The following RAB15 variants were observed in gnomAD, a reference collection of about 807,000 sequenced individuals.
RAB15 encodes RAB15, member RAS oncogene family, also known as ras-related protein Rab-15.
In RAB15, 13 loss-of-function variants were observed where a neutral mutation model predicts 31.8. The observed-to-expected ratio is 0.41, with a 90% CI of 0.27 to 0.65. The LOEUF (loss-of-function observed/expected upper bound fraction) is 0.65, where lower values mean the gene tolerates loss of function less well. Among genes scored for constraint, RAB15 ranks in the 30% least tolerant of loss-of-function variants. The probability of loss-of-function intolerance (pLI) is 0.32; values close to 1 mark genes in which losing one functional copy is unlikely to be tolerated. For synonymous variants in RAB15, 100 were observed against 105.6 expected, an observed-to-expected ratio of 0.95 and a Z score of 0.33; for missense variants, 220 against 277.3, an observed-to-expected ratio of 0.79 and a Z score of 1.47.
At chr14:64,959,416 C>T (rs1886738912) in intron 1 of RAB15, among the ~76,000 whole-genome samples, 1 of 152,170 alleles carries the variant, frequency 6.6e-6, no homozygotes, top group African/African-American at 2.4e-5. Flanking sequence ...CTATTTTTGT[C>T]TTCTAGCCTC....
rs1039852624 is a variant in RAB15, at chr14:64,954,256, G to A, written c.125-1685C>T. ...AGAGTGAAGAGAAGGAGGGAGGAAG[G>A]GAGGAAGGAGAGAAGCATCAGGCCT... On this transcript the variant is annotated intron_variant, in intron 1 of 6. Transcript: ENST00000533601. This position sits in a 1 kb window ranked among gnomAD's most constrained non-coding sequence, Gnocchi z 4.3. 2 of 985,276 alleles carry A rather than the reference G, an allele frequency of 2.0e-6. No individual in the cohort carries two copies. Among genetic ancestry groups the A allele is most frequent in the African/African-American group, 3.5e-5 (2 of 57,224 alleles). The allele number at this position is 985,276 out of a possible 1,614,324, so 61.0% of individuals were successfully genotyped here.
rs142065656 is a variant in RAB15 at position 64,967,298 on chromosome 14, C to G, written c.124+4655G>C. The stretch of plus-strand genomic sequence containing the variant: ...AAGACTAAGGATGGGAGGGAGAAAA[C>G]CAACTCCTGAGGGAGTGAGGTAGCT... On this transcript the variant is annotated intron_variant, in intron 1 of 6. Coordinates refer to ENST00000533601, the MANE Select transcript of RAB15 (RefSeq NM_001308154.2). Among the ~76,000 whole-genome samples, 173 of 152,308 alleles carry G rather than the reference C, an allele frequency of 1.1e-3. 1 individual carries two copies. The highest frequency in any genetic ancestry group is 3.4e-3 in the African/African-American group (143 of 41,580).
rs1415695227 is a variant in RAB15 at position 64,948,117 on chromosome 14, C to G, written c.*237G>C. 1 of 458,496 alleles carries G rather than the reference C, an allele frequency of 2.2e-6. No individual in the cohort carries two copies. The highest frequency in any genetic ancestry group is 2.0e-5 in the African/African-American group (1 of 49,606). The allele number at this position is 458,496 out of a possible 1,614,324, so 28.4% of individuals were successfully genotyped here. A position where few individuals can be genotyped will look rare whatever the true frequency, so the allele number is the denominator to read the frequency against. On this transcript the variant is annotated 3_prime_UTR_variant, in exon 7 of 7. Coordinates refer to ENST00000533601, the MANE Select transcript of RAB15 (RefSeq NM_001308154.2). This position sits in a 1 kb window ranked among gnomAD's most constrained non-coding sequence, Gnocchi z 7.0. ...GCACATCGTGGGGGTCGTAGCAGGCCTGTGGCTGGGGAAACAGGCTGAAGA... is the reference window on the plus strand; with the variant it reads ...GCACATCGTGGGGGTCGTAGCAGGCGTGTGGCTGGGGAAACAGGCTGAAGA...
At chr14:64,957,573 C>CATAG (rs1160829724) in intron 1 of RAB15, among the ~76,000 whole-genome samples, 5 of 152,208 alleles carry the variant, frequency 3.3e-5, no homozygotes, top group Admixed American at 6.5e-5. Context: ...CACCCAGGTG[C>CATAG]ATAGTGCTTG....
At position 64,955,886 on chromosome 14, in the gene RAB15, T is replaced by G. The variant is rs1473356141; in HGVS notation, c.125-3315A>C. On this transcript the variant is annotated intron_variant, in intron 1 of 6. Transcript: ENST00000533601. This position sits in a 1 kb window ranked among gnomAD's most constrained non-coding sequence, Gnocchi z 4.4. Reference sequence around the variant, plus strand: ...GCCTCCAGTGGTTTCACATTCCGGCTCCTCTAAGGTCATATTTCTCAAACT... The same window carrying G: ...GCCTCCAGTGGTTTCACATTCCGGCGCCTCTAAGGTCATATTTCTCAAACT... Among the ~76,000 whole-genome samples the G allele has an allele frequency of 1.3e-5, 2 of 152,186 alleles. No individual in the cohort carries two copies. The highest frequency in any genetic ancestry group is 2.9e-5 in the Non-Finnish European group (2 of 68,024).
At chr14:64,949,189 A>T (rs1469189634) in intron 5 of RAB15, among the ~76,000 whole-genome samples, 1 of 152,142 alleles carries the variant, frequency 6.6e-6, no homozygotes, top group African/African-American at 2.4e-5. Flanking sequence ...TGGTTGTGGG[A>T]TGATTCAGTG....
intron 1 of RAB15, among the ~76,000 whole-genome samples, chr14:64,969,934 A>C (rs1887338373): frequency 6.6e-6 from 1 of 152,214 alleles, no homozygotes; most frequent in Non-Finnish European, 1.5e-5. Context: ...TCAGAGGGCC[A>C]TCCTGGTATT....
At chr14:64,965,677 T>G (rs1203161638) in intron 1 of RAB15, among the ~76,000 whole-genome samples, 3 of 152,072 alleles carry the variant, frequency 2.0e-5, no homozygotes, top group Admixed American at 6.6e-5. Context: ...TGAGAAGAGC[T>G]GGCAATCAGG....
At position 64,968,899 on chromosome 14, in the gene RAB15, G is replaced by A. The variant is rs1887278070; in HGVS notation, c.124+3054C>T. ...CAGAAAGACGAAAAGGATAGGGGGAGGGACAGTCAGTGTCTCAGTCTACCA... is the reference window on the plus strand; with the variant it reads ...CAGAAAGACGAAAAGGATAGGGGGAAGGACAGTCAGTGTCTCAGTCTACCA... On this transcript the variant is annotated intron_variant, in intron 1 of 6. Coordinates refer to ENST00000533601, the MANE Select transcript of RAB15 (RefSeq NM_001308154.2). The surrounding 1 kb of genome is among the most constrained non-coding windows in gnomAD (Gnocchi z 4.9). 6.6e-6 allele frequency among the ~76,000 whole-genome samples: 1 copy of A among 152,218 alleles called. No individual in the cohort carries two copies. The highest frequency in any genetic ancestry group is 2.4e-5 in the African/African-American group (1 of 41,452).
At position 64,954,590 on chromosome 14, in the gene RAB15, A is replaced by C; in HGVS notation, c.125-2019T>G. 2.2e-6 allele frequency: 2 copies of C among 894,282 alleles called. No homozygotes were observed. Among genetic ancestry groups the C allele is most frequent in the Non-Finnish European group, 1.3e-6 (1 of 746,778 alleles). 55.4% of individuals were successfully genotyped at this position (894,282 alleles called of 1,614,324 possible). On this transcript the variant is annotated intron_variant, in intron 1 of 6. Coordinates refer to ENST00000533601, the MANE Select transcript of RAB15 (RefSeq NM_001308154.2). This position sits in a 1 kb window ranked among gnomAD's most constrained non-coding sequence, Gnocchi z 4.3. ...TTCCTATGTGCCCTGCACAGTGCTCAGTGCAGACAGAGCAGTGAAAAAGAC... is the reference window on the plus strand; with the variant it reads ...TTCCTATGTGCCCTGCACAGTGCTCCGTGCAGACAGAGCAGTGAAAAAGAC...
rs906661575 is a variant in RAB15 at position 64,948,302 on chromosome 14, C to T, written c.*52G>A. 18 of 1,446,286 alleles carry T rather than the reference C, an allele frequency of 1.2e-5. No homozygotes were observed. The African/African-American group carries it at 2.1e-4, about 17-fold the overall frequency. The allele number at this position is 1,446,286 out of a possible 1,614,324, so 89.6% of individuals were successfully genotyped here. On this transcript the variant is annotated 3_prime_UTR_variant, in exon 7 of 7. Coordinates refer to ENST00000533601, the MANE Select transcript of RAB15 (RefSeq NM_001308154.2). This position sits in a 1 kb window ranked among gnomAD's most constrained non-coding sequence, Gnocchi z 7.0. ...CAAAGCCCCGGCTCCCCTGTCTGCC[C>T]ACGGGCCTCCTGAGGGAAGAGGGGT...
At position 64,954,190 on chromosome 14, in the gene RAB15, T is replaced by A. The variant is rs1886416680; in HGVS notation, c.125-1619A>T. 2.0e-6 allele frequency: 2 copies of A among 985,278 alleles called. No individual in the cohort carries two copies. The highest frequency in any genetic ancestry group is 1.2e-4 in the Admixed American group (2 of 16,258). The allele number at this position is 985,278 out of a possible 1,614,324, so 61.0% of individuals were successfully genotyped here. ...ATCCATTGAGCTGTACTTTTCCAAA[T>A]GGGCAATGCCTGGCAGCCATTCTTC... On this transcript the variant is annotated intron_variant, in intron 1 of 6. Transcript: ENST00000533601. This position sits in a 1 kb window ranked among gnomAD's most constrained non-coding sequence, Gnocchi z 4.3.
chr14:64,969,243 C>T (rs1361012047), intron 1 of RAB15, among the ~76,000 whole-genome samples: 4 of 152,144 alleles, frequency 2.6e-5, no homozygotes, highest in East Asian at 1.9e-4. Flanking sequence ...ATACAGGACA[C>T]GCATTTTTTA....
chr14:64,963,122 T>C (rs1019713868), intron 1 of RAB15, among the ~76,000 whole-genome samples: 2 of 143,556 alleles, frequency 1.4e-5, no homozygotes, highest in African/African-American at 5.3e-5. Flanking sequence ...TTTTTTTTTT[T>C]TTTTTTTTTT....
chr14:64,966,214 T>C (rs1202726514), intron 1 of RAB15, among the ~76,000 whole-genome samples: 2 of 152,244 alleles, frequency 1.3e-5, no homozygotes, highest in Admixed American at 6.5e-5. Context: ...TGGTCACCAC[T>C]GTGTCCCCAA....
chr14:64,948,367 GT>G lies in RAB15; in HGVS notation c.625del (p.Thr209ProfsTer138). The G allele has an allele frequency of 6.3e-7, 1 of 1,579,718 alleles. No individual in the cohort carries two copies. ...CCCACACAGGACTCAGCACCAGCAG[GT>G]TTTCGAAGAGTTCGCTGGGCCCTCG... ...KPEGPANSSK[T>X]CWC On this transcript the variant is annotated frameshift_variant, in exon 7 of 7. Coordinates refer to ENST00000533601, the MANE Select transcript of RAB15 (RefSeq NM_001308154.2). LOFTEE classifies it high-confidence loss of function. This position sits in a 1 kb window ranked among gnomAD's most constrained non-coding sequence, Gnocchi z 7.0.
chr14:64,972,131 C>T lies in RAB15; in HGVS notation c.-55G>A, dbSNP rs533292790. The T allele has an allele frequency of 1.1e-5, 14 of 1,281,764 alleles. No individual in the cohort carries two copies. The South Asian group carries it at 3.2e-4, about 29-fold the overall frequency. The allele number at this position is 1,281,764 out of a possible 1,614,324, so 79.4% of individuals were successfully genotyped here. Reference sequence around the variant, plus strand: ...GGCGGGCAGCGGGCTCAGCCCTGCTCCGCCGCTGCCATCGCGGCCCGCGCC... The same window carrying T: ...GGCGGGCAGCGGGCTCAGCCCTGCTTCGCCGCTGCCATCGCGGCCCGCGCC... On this transcript the variant is annotated 5_prime_UTR_variant, in exon 1 of 7. Coordinates refer to ENST00000533601, the MANE Select transcript of RAB15 (RefSeq NM_001308154.2). This position sits in a 1 kb window ranked among gnomAD's most constrained non-coding sequence, Gnocchi z 6.3.
In RAB15 at chr14:64,948,080, A is replaced by G. The variant is rs1886012693; in HGVS notation, c.*274T>C. ...TGTCTGGTGGGTGCGGGATGGTGAGACAGTGCTTGCGGCACATCGTGGGGG... is the reference window on the plus strand; with the variant it reads ...TGTCTGGTGGGTGCGGGATGGTGAGGCAGTGCTTGCGGCACATCGTGGGGG... On this transcript the variant is annotated 3_prime_UTR_variant, in exon 7 of 7. Transcript: ENST00000533601. This position sits in a 1 kb window ranked among gnomAD's most constrained non-coding sequence, Gnocchi z 7.0. 2.5e-6 allele frequency: 1 copy of G among 395,316 alleles called. No individual in the cohort carries two copies. The allele number at this position is 395,316 out of a possible 1,614,324, so 24.5% of individuals were successfully genotyped here.
rs565198718 is a variant in RAB15, at chr14:64,951,876, GC to G, written c.186-214del. On this transcript the variant is annotated intron_variant, in intron 2 of 6. Coordinates refer to ENST00000533601, the MANE Select transcript of RAB15 (RefSeq NM_001308154.2). This position sits in a 1 kb window ranked among gnomAD's most constrained non-coding sequence, Gnocchi z 7.2. ...AGGGCCTTGGCCCCTCCTGCCAACT[GC>G]CCTCCTGGCAGAAACCAGAAGCCAC... 1.4e-3 allele frequency among the ~76,000 whole-genome samples: 214 copies of G among 152,308 alleles called. No homozygotes were observed. Among genetic ancestry groups the G allele is most frequent in the African/African-American group, 4.9e-3 (202 of 41,590 alleles).
Sources: allele counts gnomAD v4.1 joint callset (sites outside exome capture counted in the v4.1 genomes callset), GRCh38; gene constraint gnomAD v4.1.1; non-coding constraint Gnocchi (gnomAD v3.1); transcripts MANE v1.5; gene names NCBI Gene and HGNC (gene_info 2026-07-23, HGNC 2026-07-21).